GIP: variants seen among roughly 807,000 people sequenced by gnomAD.
GIP encodes gastric inhibitory polypeptide, also known as glucose-dependent insulinotropic polypeptide.
A neutral mutation model predicts 18.1 loss-of-function variants in GIP; 16 were observed. The observed-to-expected ratio is 0.88, with a 90% CI of 0.60 to 1.34. The LOEUF is 1.34. Ranked by LOEUF, GIP falls within the 40% of genes most tolerant of loss-of-function variation. The pLI, the probability that GIP is intolerant of heterozygous loss-of-function variation, is 0.00. For synonymous variants in GIP, 76 were observed against 74.0 expected, an observed-to-expected ratio of 1.03 and a Z score of -0.14; for missense variants, 192 against 183.4, an observed-to-expected ratio of 1.05 and a Z score of -0.27.
At chr17:48,961,903 A>AAAG in intron 3 of GIP, 84 bp from the exon 4 acceptor site, 1 of 926,422 alleles carries the variant, frequency 1.1e-6, no homozygotes, top group Admixed American at 2.0e-5. Flanking sequence ...CTGAACCCCA[A>AAAG]AAGCAGAGGG....
At position 48,958,667 on chromosome 17, in the gene GIP, TG is replaced by T; in HGVS notation, c.*39del. The T allele has an allele frequency of 6.5e-7, 1 of 1,549,126 alleles. No homozygotes were observed. The highest frequency in any genetic ancestry group is 8.8e-7 in the Non-Finnish European group (1 of 1,137,762). The stretch of plus-strand genomic sequence containing the variant: ...GAGTGGGGCTGAGGCAGGTGCTAAG[TG>T]AAGGGCAGAATCCAGTCCTGAGCTG... On this transcript the variant is annotated 3_prime_UTR_variant, in exon 6 of 6. Transcript: ENST00000357424.
At chr17:48,964,788 G>C (rs1286726233) in intron 2 of GIP, among the ~76,000 whole-genome samples, 1 of 152,108 alleles carries the variant, frequency 6.6e-6, no homozygotes, top group Non-Finnish European at 1.5e-5. Context: ...CTGAGGTCGG[G>C]ATCGAGACCA....
At chr17:48,966,560 C>T (rs141006127) in intron 2 of GIP, among the ~76,000 whole-genome samples, 1 of 150,296 alleles carries the variant, frequency 6.7e-6, no homozygotes, top group African/African-American at 2.4e-5. Flanking sequence ...CCATCCCCCC[C>T]CAAAAAAAAA....
At chr17:48,960,743 A>G in intron 5 of GIP, 143 bp downstream of exon 5, 1 of 653,932 alleles carries the variant, frequency 1.5e-6, no homozygotes, top group South Asian at 1.8e-5. Context: ...CTGTGAAATG[A>G]TTCTATACCT....
rs765381396 is a variant in GIP, at chr17:48,958,730, G to A, written c.453-14C>T. 2 of 1,577,044 alleles carry A rather than the reference G, an allele frequency of 1.3e-6. No homozygotes were observed. Among genetic ancestry groups the A allele is most frequent in the South Asian group, 1.2e-5 (1 of 85,516 alleles). ...AGTCACCGAGACCTGGGGAGAGTGGGGAAAGGAGAAGAAGGTTGTTATGGA... is the reference window on the plus strand; with the variant it reads ...AGTCACCGAGACCTGGGGAGAGTGGAGAAAGGAGAAGAAGGTTGTTATGGA... On this transcript the variant is annotated splice_polypyrimidine_tract_variant and intron_variant, in intron 5 of 5. Transcript: ENST00000357424.
rs547215032 is a variant in GIP, at chr17:48,958,893, C to T, written c.453-177G>A. On this transcript the variant is annotated intron_variant, in intron 5 of 5. Coordinates refer to ENST00000357424, the MANE Select transcript of GIP (RefSeq NM_004123.3). ...TTTTTGAGACGGAGTCTCGCTCTGT[C>T]GCCCAGGCTGGAGTGCAGTGGCGCG... is the stretch of plus-strand genomic sequence containing the variant. 2.9e-3 allele frequency among the ~76,000 whole-genome samples: 425 copies of T among 148,462 alleles called. 5 individuals are homozygous for T. The highest frequency in any genetic ancestry group is 8.9e-3 in the African/African-American group (355 of 40,090).
chr17:48,965,478 G>A (rs28627277), intron 2 of GIP, among the ~76,000 whole-genome samples: 58 of 150,398 alleles, frequency 3.9e-4, no homozygotes, highest in South Asian at 3.6e-3. Flanking sequence ...GGTGGCAGGC[G>A]CCTGTAGTCC....
chr17:48,959,436 C>G (rs553775748), intron 5 of GIP, among the ~76,000 whole-genome samples: 5 of 152,280 alleles, frequency 3.3e-5, no homozygotes, highest in African/African-American at 1.2e-4. Flanking sequence ...GATTTGCTCC[C>G]TCAATCCCTC....
Position 48,963,334 on chromosome 17 carries a change from G to C in GIP, c.257+976C>G, listed in dbSNP as rs141623216. Among the ~76,000 whole-genome samples, 18 of 151,952 alleles carry C rather than the reference G, an allele frequency of 1.2e-4. No homozygotes were observed. In the East Asian group the frequency reaches 3.5e-3, roughly 30 times the overall value. ...GAGGTCAGGAGTTCGAGACCTGCCT[G>C]ACCAACATGGAACCCCGTCTCTACT... is the stretch of plus-strand genomic sequence containing the variant. On this transcript the variant is annotated intron_variant, in intron 3 of 5. Transcript: ENST00000357424.
chr17:48,960,777 G>A, intron 5 of GIP, 109 bp downstream of exon 5: 1 of 726,222 alleles, frequency 1.4e-6, no homozygotes, highest in Non-Finnish European at 2.5e-6. Flanking sequence ...AAACACTGAG[G>A]TTCAGAAAGG....
chr17:48,960,662 CT>C (rs1189760613), intron 5 of GIP, among the ~76,000 whole-genome samples: 1 of 151,978 alleles, frequency 6.6e-6, no homozygotes, highest in African/African-American at 2.4e-5. Flanking sequence ...CTTGAATTGT[CT>C]TTTTTTTCTT....
At chr17:48,967,071 C>A (rs1371463135) in intron 2 of GIP, 76 bp downstream of exon 2, 5 of 1,087,688 alleles carry the variant, frequency 4.6e-6, no homozygotes, top group Non-Finnish European at 5.6e-6. Context: ...TTCTCATCTC[C>A]CCCTAGAAAC....
chr17:48,963,552 C>G (rs1303363612), intron 3 of GIP, among the ~76,000 whole-genome samples: 1 of 151,456 alleles, frequency 6.6e-6, no homozygotes, highest in Non-Finnish European at 1.5e-5. Flanking sequence ...CCCAGCTACT[C>G]AGGAGGCTGA....
intron 5 of GIP, among the ~76,000 whole-genome samples, 161 bp from the exon 6 acceptor site, chr17:48,958,877 C>CGTTT (rs1291508927): frequency 2.8e-5 from 4 of 144,816 alleles, no homozygotes; most frequent in Non-Finnish European, 6.0e-5. Flanking sequence ...TTTTTTGAGA[C>CGTTT]GGAGTCTCGC....
chr17:48,967,773 T>G (rs1464151527), intron 1 of GIP, among the ~76,000 whole-genome samples: 1 of 150,686 alleles, frequency 6.6e-6, no homozygotes, highest in Non-Finnish European at 1.5e-5. Context: ...TGGACCAGGC[T>G]GGGTGCAGTG....
intron 5 of GIP, 42 bp downstream of exon 5, chr17:48,960,844 A>G (rs1292772005): frequency 7.4e-6 from 9 of 1,221,026 alleles, no homozygotes; most frequent in Non-Finnish European, 9.5e-6. Flanking sequence ...TCTGATGCCC[A>G]AGCTCAAGTT....
At chr17:48,962,059 T>G (rs1363829814) in intron 3 of GIP, among the ~76,000 whole-genome samples, 1 of 152,096 alleles carries the variant, frequency 6.6e-6, no homozygotes, top group African/African-American at 2.4e-5. Context: ...CAGTTAATCT[T>G]CTCTTCATTT....
chr17:48,961,693 T>C, intron 4 of GIP, 34 bp downstream of exon 4: 1 of 1,385,242 alleles, frequency 7.2e-7, no homozygotes, highest in Non-Finnish European at 1.0e-6. Flanking sequence ...GCAGGAGGCT[T>C]GGCTCCCTCC....
chr17:48,963,587 G>T (rs2041212873), intron 3 of GIP, among the ~76,000 whole-genome samples: 1 of 151,872 alleles, frequency 6.6e-6, no homozygotes, highest in Non-Finnish European at 1.5e-5. Flanking sequence ...TTGAACCCAG[G>T]AGGTGGAAGT....
Sources: gnomAD v4.1 joint callset for allele counts (sites outside exome capture counted in the v4.1 genomes callset) on GRCh38, gnomAD v4.1.1 for gene constraint, MANE v1.5 for transcripts, NCBI Gene and HGNC (gene_info 2026-07-23, HGNC 2026-07-21) for gene names.